PALM2AKAP2: variants seen among roughly 807,000 people sequenced by gnomAD.
The protein encoded by PALM2AKAP2 is PALM2-AKAP2 fusion protein.
Under a neutral mutation model 71.5 loss-of-function variants are expected in PALM2AKAP2, and 37 were observed. The observed-to-expected ratio is 0.52, with a 90% CI of 0.40 to 0.68. The LOEUF (loss-of-function observed/expected upper bound fraction) is 0.68. Ranked by LOEUF, PALM2AKAP2 falls within the 30% of genes least tolerant of loss-of-function variation. The pLI is 0.00. For synonymous variants in PALM2AKAP2, 468 were observed against 478.8 expected (o/e 0.98, Z 0.29); for missense variants, 1,224 against 1,191.8 (o/e 1.03, Z -0.40).
chr9:109,997,807 C>T (rs943700098), intron 6 of PALM2AKAP2, among the ~76,000 whole-genome samples: 9 of 145,546 alleles, frequency 6.2e-5, no homozygotes, highest in South Asian at 2.4e-4. Context: ...GAGGGTGGGA[C>T]GGGGTTGCAT....
chr9:110,141,726 A>T (rs1836035975), intron 2 of PALM2AKAP2, among the ~76,000 whole-genome samples: 1 of 152,178 alleles, frequency 6.6e-6, no homozygotes, highest in Non-Finnish European at 1.5e-5. Context: ...TTGTTGTGTG[A>T]CTCAGATTGA....
intron 1 of PALM2AKAP2, among the ~76,000 whole-genome samples, chr9:109,790,157 G>A (rs1030269323): frequency 2.0e-5 from 3 of 152,096 alleles, no homozygotes; most frequent in African/African-American, 4.8e-5. Context: ...GCCAGACGTC[G>A]GAACACATCT....
At chr9:110,004,770 T>A (rs1292665654) in intron 6 of PALM2AKAP2, among the ~76,000 whole-genome samples, 1 of 152,218 alleles carries the variant, frequency 6.6e-6, no homozygotes, top group East Asian at 1.9e-4. Flanking sequence ...TCACTTCATT[T>A]CATTCATTTG....
chr9:109,765,984 T>A (rs765609850), intron 1 of PALM2AKAP2, among the ~76,000 whole-genome samples: 2 of 152,206 alleles, frequency 1.3e-5, no homozygotes, highest in Non-Finnish European at 2.9e-5. Context: ...ATGCAGAGTG[T>A]CACATGCCTG....
rs1294824108 is a variant in PALM2AKAP2, at chr9:109,891,414, G to A, written c.257+10733G>A. ...TTCCCCCATTATTAAGTAATGTCAGGTAAGGTCTGAGGAGATGGAGATGAA... is the reference window on the plus strand; with the variant it reads ...TTCCCCCATTATTAAGTAATGTCAGATAAGGTCTGAGGAGATGGAGATGAA... On this transcript the variant is annotated intron_variant, in intron 3 of 9. Coordinates refer to the PALM2AKAP2 transcript ENST00000302798. Among the ~76,000 whole-genome samples the A allele has an allele frequency of 2.6e-5, 4 of 152,130 alleles. No individual in the cohort carries two copies. The East Asian group carries it at 5.8e-4, about 22-fold the overall frequency.
In PALM2AKAP2 at chr9:109,937,332, C is replaced by T. The variant is rs188565320; in HGVS notation, c.496+5304C>T. On this transcript the variant is annotated intron_variant, in intron 6 of 9. Transcript: ENST00000302798. ...GAACCTAGAGACTGGAATTCTCAAC[C>T]TCAACTTAATGTCTCTACTCCTTCA... 9.2e-5 allele frequency among the ~76,000 whole-genome samples: 14 copies of T among 152,240 alleles called. No homozygotes were observed. In the East Asian group the frequency reaches 2.5e-3, roughly 27 times the overall value.
At chr9:109,663,773 T>C (rs1827437112) in intron 1 of PALM2AKAP2, among the ~76,000 whole-genome samples, 2 of 152,228 alleles carry the variant, frequency 1.3e-5, no homozygotes, top group African/African-American at 4.8e-5. Flanking sequence ...ATCTGTCTGA[T>C]ATTGACAGTG....
intron 3 of PALM2AKAP2, among the ~76,000 whole-genome samples, chr9:110,160,249 G>T (rs950959191): frequency 8.5e-5 from 13 of 152,204 alleles, no homozygotes; most frequent in Admixed American, 8.5e-4. Context: ...CCTTTAGTCT[G>T]ATGCTTTTGT....
At chr9:110,099,178 TAAG>T (rs1834931867) in intron 1 of PALM2AKAP2, among the ~76,000 whole-genome samples, 1 of 152,214 alleles carries the variant, frequency 6.6e-6, no homozygotes, top group Admixed American at 6.5e-5. Context: ...CTAGGCTATA[TAAG>T]AAGAGAGGAA....
chr9:109,642,027 G>C (rs1386924835), intron 1 of PALM2AKAP2, among the ~76,000 whole-genome samples: 2 of 152,146 alleles, frequency 1.3e-5, no homozygotes, highest in African/African-American at 2.4e-5. Context: ...ATGTCTCTGA[G>C]CCTCAGTTTC....
chr9:109,929,994 G>T (rs1166465516), intron 5 of PALM2AKAP2, among the ~76,000 whole-genome samples: 1 of 151,954 alleles, frequency 6.6e-6, no homozygotes, highest in Admixed American at 6.6e-5. Flanking sequence ...TCTTCAGGGG[G>T]TCCCTGCAGG....
At chr9:109,844,960 C>T (rs371105796) in intron 1 of PALM2AKAP2, among the ~76,000 whole-genome samples, 2 of 86,692 alleles carry the variant, frequency 2.3e-5, no homozygotes, top group African/African-American at 5.1e-5. Context: ...TGTGTGTGTG[C>T]ATGTGCACAC....
At chr9:109,658,464 G>T (rs145595548) in intron 1 of PALM2AKAP2, among the ~76,000 whole-genome samples, 84 of 152,222 alleles carry the variant, frequency 5.5e-4, no homozygotes, top group Admixed American at 1.4e-3. Flanking sequence ...TGTCTCAAGG[G>T]AATTTAGGAA....
chr9:110,081,316 C>T (rs551859723), intron 1 of PALM2AKAP2, among the ~76,000 whole-genome samples: 2 of 152,298 alleles, frequency 1.3e-5, no homozygotes, highest in South Asian at 2.1e-4. Flanking sequence ...ATCCACAACT[C>T]GCACCAGAGC....
At chr9:110,111,051 C>G (rs940400584) in intron 1 of PALM2AKAP2, among the ~76,000 whole-genome samples, 2 of 147,586 alleles carry the variant, frequency 1.4e-5, no homozygotes, top group African/African-American at 2.5e-5. Flanking sequence ...AATCAAGAAG[C>G]ATTTTTTTTT....
At chr9:110,132,906 C>T (rs1007080226) in intron 1 of PALM2AKAP2, among the ~76,000 whole-genome samples, 1 of 152,196 alleles carries the variant, frequency 6.6e-6, no homozygotes, top group African/African-American at 2.4e-5. Context: ...TATTATTGCA[C>T]CCTGCCAACT....
chr9:109,805,227 T>G (rs540879146), intron 1 of PALM2AKAP2, among the ~76,000 whole-genome samples: 2 of 152,318 alleles, frequency 1.3e-5, no homozygotes, highest in East Asian at 3.9e-4. Context: ...TTTTTCTTAG[T>G]GATGGTGGCT....
intron 1 of PALM2AKAP2, among the ~76,000 whole-genome samples, chr9:109,691,178 C>CACAG (rs1827877979): frequency 7.8e-6 from 1 of 128,886 alleles, no homozygotes. Context: ...GAATTTTACA[C>CACAG]ACACACACAC....
At chr9:110,032,437 A>G (rs1273400912) in intron 7 of PALM2AKAP2, among the ~76,000 whole-genome samples, 1 of 152,098 alleles carries the variant, frequency 6.6e-6, no homozygotes, top group Non-Finnish European at 1.5e-5. Flanking sequence ...TTACGCCTGT[A>G]ATCCCAGCAC....
Sources: allele counts gnomAD v4.1 joint callset (sites outside exome capture counted in the v4.1 genomes callset), GRCh38; gene constraint gnomAD v4.1.1; transcripts MANE v1.5; gene names NCBI Gene and HGNC (gene_info 2026-07-23, HGNC 2026-07-21).